The following PCSK5 variants were observed in gnomAD, a reference collection of about 807,000 sequenced individuals.
The protein encoded by PCSK5 is proprotein convertase subtilisin/kexin type 5, also known as prohormone convertase 5.
Under a neutral mutation model 233.2 loss-of-function variants are expected in PCSK5, and 129 were observed. That is an observed-to-expected ratio of 0.55 (90% confidence interval 0.48 to 0.64). PCSK5 has a LOEUF of 0.64. PCSK5 is among the 30% of genes least tolerant of loss of function. The probability of loss-of-function intolerance (pLI) is 0.00; values close to 1 mark genes in which losing one functional copy is unlikely to be tolerated. For missense variants in PCSK5, 2,076 were observed against 2,430.1 expected (o/e 0.85, Z 3.06); for synonymous variants, 825 against 879.2 (o/e 0.94, Z 1.09).
chr9:76,169,596 C>A, intron 12 of PCSK5, 108 bp from the exon 13 acceptor site: 3 of 930,978 alleles, frequency 3.2e-6, no homozygotes, highest in Non-Finnish European at 5.0e-6. Flanking sequence ...AGCTCTAGTG[C>A]CCAGCTGAAC....
intron 1 of PCSK5, among the ~76,000 whole-genome samples, chr9:75,916,055 G>C (rs1419271638): frequency 6.6e-6 from 1 of 152,184 alleles, no homozygotes; most frequent in East Asian, 1.9e-4. Context: ...AAGGTCAGTG[G>C]ACTTTTTATG....
chr9:75,903,073 A>T (rs1054839450), intron 1 of PCSK5, among the ~76,000 whole-genome samples: 1 of 152,204 alleles, frequency 6.6e-6, no homozygotes, highest in African/African-American at 2.4e-5. Flanking sequence ...TATAACAGAT[A>T]ATTATAACTA....
chr9:75,906,460 T>C (rs1233151519), intron 1 of PCSK5, among the ~76,000 whole-genome samples: 1 of 152,082 alleles, frequency 6.6e-6, no homozygotes, highest in Non-Finnish European at 1.5e-5. Context: ...CTCCTGACCT[T>C]GTGATCTGCC....
intron 3 of PCSK5, among the ~76,000 whole-genome samples, chr9:76,016,725 T>C (rs972847660): frequency 1.1e-4 from 16 of 152,208 alleles, no homozygotes; most frequent in African/African-American, 3.6e-4. Context: ...GACTGAAAGT[T>C]TCTAATGCAC....
chr9:76,103,576 A>G lies in PCSK5; in HGVS notation c.1108-3675A>G, dbSNP rs575407126. On this transcript the variant is annotated intron_variant, in intron 8 of 37. Transcript: ENST00000674117. ...TAGGACATAATTGCTTAGGGTGAGA[A>G]AAAGTGATGGTTCATCTTAGTGGAG... Among the ~76,000 whole-genome samples the G allele has an allele frequency of 2.0e-5, 3 of 152,328 alleles. No individual in the cohort carries two copies. The East Asian group carries it at 5.8e-4, about 29-fold the overall frequency.
intron 30 of PCSK5, among the ~76,000 whole-genome samples, chr9:76,316,101 C>A (rs1325919063): frequency 6.6e-6 from 1 of 152,110 alleles, no homozygotes; most frequent in Non-Finnish European, 1.5e-5. Context: ...AGAAACTATT[C>A]TCTGCAGGTC....
intron 1 of PCSK5, among the ~76,000 whole-genome samples, chr9:75,928,317 C>T (rs752569118): frequency 2.0e-5 from 3 of 151,842 alleles, no homozygotes; most frequent in Non-Finnish European, 2.9e-5. Flanking sequence ...TTTCAGTCCT[C>T]GCTGCTATTG....
At chr9:75,989,549 G>A (rs1224827428) in intron 3 of PCSK5, among the ~76,000 whole-genome samples, 1 of 152,104 alleles carries the variant, frequency 6.6e-6, no homozygotes, top group Non-Finnish European at 1.5e-5. Flanking sequence ...ATTCAGACGG[G>A]GCCCAGGGAT....
intron 20 of PCSK5, among the ~76,000 whole-genome samples, chr9:76,197,057 C>T (rs1824733783): frequency 6.6e-6 from 1 of 152,152 alleles, no homozygotes; most frequent in African/African-American, 2.4e-5. Flanking sequence ...CCTGGGAAGA[C>T]AGGAAGAGAG....
At chr9:76,094,500 G>T (rs140074388) in intron 7 of PCSK5, among the ~76,000 whole-genome samples, 61 of 152,296 alleles carry the variant, frequency 4.0e-4, no homozygotes, top group African/African-American at 1.4e-3. Flanking sequence ...TTCCATTTTG[G>T]CTTAATTCTC....
In PCSK5 at chr9:76,110,921, G is replaced by A. The variant is rs113932517; in HGVS notation, c.1208+3570G>A. On this transcript the variant is annotated intron_variant, in intron 9 of 37. Coordinates refer to ENST00000674117, the MANE Select transcript of PCSK5 (RefSeq NM_001372043.1). Reference sequence around the variant, plus strand: ...GTCAGGAGTTTGAGACCAGCCTGCCGACTTGGCAAAACCCATCTCTACTAA... The same window carrying A: ...GTCAGGAGTTTGAGACCAGCCTGCCAACTTGGCAAAACCCATCTCTACTAA... Among the ~76,000 whole-genome samples, 814 of 152,110 alleles carry A rather than the reference G, an allele frequency of 5.4e-3. 10 individuals are homozygous for A. Among genetic ancestry groups the A allele is most frequent in the African/African-American group, 0.019 (775 of 41,498 alleles).
intron 24 of PCSK5, among the ~76,000 whole-genome samples, chr9:76,289,022 G>A (rs1208576183): frequency 6.6e-6 from 1 of 152,180 alleles, no homozygotes; most frequent in Non-Finnish European, 1.5e-5. Context: ...CCATGGGACA[G>A]TGAGTTCGTG....
intron 2 of PCSK5, among the ~76,000 whole-genome samples, chr9:75,967,197 G>A (rs1212593428): frequency 6.6e-6 from 1 of 152,116 alleles, no homozygotes; most frequent in Non-Finnish European, 1.5e-5. Flanking sequence ...GAAGCTTGGG[G>A]TATAATTGAT....
At chr9:75,915,280 G>A (rs1207124682) in intron 1 of PCSK5, among the ~76,000 whole-genome samples, 1 of 152,164 alleles carries the variant, frequency 6.6e-6, no homozygotes, top group Non-Finnish European at 1.5e-5. Flanking sequence ...GTGTGATGAG[G>A]AGTAAGTTGC....
At chr9:76,272,052 T>C (rs894041282) in intron 24 of PCSK5, among the ~76,000 whole-genome samples, 16 of 152,162 alleles carry the variant, frequency 1.1e-4, no homozygotes, top group African/African-American at 4.8e-5. Flanking sequence ...ACATAGAGTA[T>C]TTGAATATGT....
rs373590869 is a variant in PCSK5, at chr9:76,180,104, T to TATACAC, written c.2003+407_2003+408insTACACA. Among the ~76,000 whole-genome samples, 208 of 144,918 alleles carry TATACAC rather than the reference T, an allele frequency of 1.4e-3. 1 individual carries two copies. Among genetic ancestry groups the TATACAC allele is most frequent in the African/African-American group, 5.0e-3 (192 of 38,238 alleles). On this transcript the variant is annotated intron_variant, in intron 15 of 37. Transcript: ENST00000674117. ...GTGTGTGTGTATATATATATATATA[T>TATACAC]ACACACACACACATATACATACGTA...
intron 24 of PCSK5, among the ~76,000 whole-genome samples, chr9:76,249,450 AAGAAAATGC>A (rs1365440586): frequency 6.6e-6 from 1 of 152,208 alleles, no homozygotes; most frequent in Non-Finnish European, 1.5e-5. Flanking sequence ...TAAAACAATC[AAGAAAATGC>A]AGAAGTATTT....
chr9:76,068,682 A>G (rs1830374071), intron 6 of PCSK5, among the ~76,000 whole-genome samples: 1 of 150,832 alleles, frequency 6.6e-6, no homozygotes, highest in South Asian at 2.1e-4. Flanking sequence ...GATAAAAGCA[A>G]ACTCTTAACT....
rs779833480 is a variant in PCSK5, at chr9:76,071,748, T to C, written c.744T>C (p.Asp248=). The part of the protein sequence containing the change: ...KIGGVRMLDG[D]VTDMVEAKSV... ...AAGGAGTGCGAATGCTGGACGGAGATGTCACGGACATGGTTGAAGCAAAAT... is the reference window on the plus strand; with the variant it reads ...AAGGAGTGCGAATGCTGGACGGAGACGTCACGGACATGGTTGAAGCAAAAT... The change falls in exon 7 of 38, where the codon GAT becomes GAC. Residue 248 remains aspartate (D), a synonymous_variant. Transcript: ENST00000674117. The C allele has an allele frequency of 1.9e-6, 3 of 1,613,878 alleles. No homozygotes were observed. Among genetic ancestry groups the C allele is most frequent in the Non-Finnish European group, 2.5e-6 (3 of 1,179,862 alleles).
Sources: allele counts gnomAD v4.1 joint callset (sites outside exome capture counted in the v4.1 genomes callset), GRCh38; gene constraint gnomAD v4.1.1; transcripts MANE v1.5; gene names NCBI Gene and HGNC (gene_info 2026-07-23, HGNC 2026-07-21).